LOXL2: variants seen among roughly 807,000 people sequenced by gnomAD.
LOXL2 encodes lysyl oxidase homolog 2.
LOXL2 carries 70 observed loss-of-function variants against 93.0 expected under a neutral mutation model. That is an observed-to-expected ratio of 0.75 (90% CI 0.62 to 0.92). The LOEUF (loss-of-function observed/expected upper bound fraction) is 0.92, where lower values mean the gene tolerates loss of function less well. LOXL2 is among the 40% of genes least tolerant of loss of function. LOXL2 has a pLI of 0.00. For synonymous variants in LOXL2, 438 were observed against 413.2 expected, an observed-to-expected ratio of 1.06 and a Z score of -0.73; for missense variants, 973 against 1,054.9, an observed-to-expected ratio of 0.92 and a Z score of 1.08.
At chr8:23,365,539 GTTTC>G (rs1215478892) in intron 2 of LOXL2, 2 of 150,686 alleles carry the variant, frequency 1.3e-5, no homozygotes, top group Non-Finnish European at 2.9e-5. Context: ...TCAAGCATCT[GTTTC>G]TTTCTCCTCT....
intron 3 of LOXL2, among the ~76,000 whole-genome samples, chr8:23,352,283 C>T (rs1804107242): frequency 6.6e-6 from 1 of 152,212 alleles, no homozygotes; most frequent in African/African-American, 2.4e-5. Flanking sequence ...ACAAACTACC[C>T]CCTGGCTACC....
rs373524179 is a variant in LOXL2, at chr8:23,311,765, T to C, written c.1637-1854A>G. Among the ~76,000 whole-genome samples the C allele has an allele frequency of 1.1e-4, 16 of 152,306 alleles. No individual in the cohort carries two copies. In the South Asian group the frequency reaches 2.7e-3, roughly 26 times the overall value. ...GAGCAAGGCAGAGGTGGAACTACCCTAGACTAACAAGAGACAGACATATTC... is the reference window on the plus strand; with the variant it reads ...GAGCAAGGCAGAGGTGGAACTACCCCAGACTAACAAGAGACAGACATATTC... On this transcript the variant is annotated intron_variant, in intron 9 of 13. Coordinates refer to ENST00000389131, the MANE Select transcript of LOXL2 (RefSeq NM_002318.3).
At chr8:23,368,528 GAAAGCT>G (rs917804613) in intron 1 of LOXL2, 94 bp from the exon 2 acceptor site, 15 of 615,604 alleles carry the variant, frequency 2.4e-5, no homozygotes, top group Non-Finnish European at 3.7e-5. Context: ...GCTTAATATG[GAAAGCT>G]CGTCCATTCT....
chr8:23,388,408 T>C (rs1377719719), intron 1 of LOXL2, among the ~76,000 whole-genome samples: 1 of 151,960 alleles, frequency 6.6e-6, no homozygotes, highest in African/African-American at 2.4e-5. Context: ...GGAGATCCTG[T>C]CTCTACAAAA....
intron 1 of LOXL2, among the ~76,000 whole-genome samples, chr8:23,368,816 C>A (rs1164133470): frequency 6.6e-6 from 1 of 151,598 alleles, no homozygotes; most frequent in Middle Eastern, 3.4e-3. Context: ...AGGGAGCCTG[C>A]GGGGGTGAGA....
At chr8:23,335,428 A>G (rs1803773343) in intron 4 of LOXL2, among the ~76,000 whole-genome samples, 1 of 152,220 alleles carries the variant, frequency 6.6e-6, no homozygotes. Flanking sequence ...GAAGAGCTAC[A>G]TAAGAGTTTG....
intron 12 of LOXL2, among the ~76,000 whole-genome samples, chr8:23,300,643 T>C (rs891956397): frequency 1.2e-4 from 18 of 152,242 alleles, no homozygotes; most frequent in African/African-American, 3.4e-4. Flanking sequence ...CATTTGCTAA[T>C]TGTATTGTTT....
intron 1 of LOXL2, among the ~76,000 whole-genome samples, chr8:23,391,780 G>A (rs1804848303): frequency 6.6e-6 from 1 of 152,078 alleles, no homozygotes; most frequent in Non-Finnish European, 1.5e-5. Context: ...GCTGAGATTT[G>A]GCCTAGGCAC....
intron 9 of LOXL2, 55 bp downstream of exon 9, chr8:23,316,894 G>C: frequency 6.9e-7 from 1 of 1,457,162 alleles, no homozygotes. Flanking sequence ...GGAATAACTG[G>C]TGGGACTCTG....
intron 10 of LOXL2, among the ~76,000 whole-genome samples, chr8:23,304,022 G>A (rs376092484): frequency 2.9e-4 from 44 of 152,368 alleles, no homozygotes; most frequent in African/African-American, 9.4e-4. Context: ...TGGGAGGTGA[G>A]CAGCAAGTCT....
intron 2 of LOXL2, chr8:23,366,127 C>G (rs1804396500): frequency 6.6e-6 from 1 of 152,128 alleles, no homozygotes; most frequent in Admixed American, 6.5e-5. Flanking sequence ...GGAAAAATAC[C>G]CAGTCACTGG....
intron 3 of LOXL2, among the ~76,000 whole-genome samples, chr8:23,344,276 G>C (rs182992844): frequency 6.6e-6 from 1 of 152,356 alleles, no homozygotes; most frequent in Admixed American, 6.5e-5. Flanking sequence ...GCCTGGAGAA[G>C]AGAAAGGGCT....
At chr8:23,360,384 G>T in intron 2 of LOXL2, 119 bp from the exon 3 acceptor site, 1 of 671,136 alleles carries the variant, frequency 1.5e-6, no homozygotes, top group Non-Finnish European at 2.5e-6. Flanking sequence ...AGCTGTGTGT[G>T]GCCATCCATT....
rs912943610 is a variant in LOXL2, at chr8:23,338,300, G to A, written c.743+2692C>T. Among the ~76,000 whole-genome samples the A allele has an allele frequency of 1.4e-4, 18 of 129,238 alleles. No individual in the cohort carries two copies. The South Asian group carries it at 3.2e-3, about 23-fold the overall frequency. 84.8% of individuals were successfully genotyped at this position (129,238 alleles called of 152,430 possible). Reference sequence around the variant, plus strand: ...ACACAGCCAAACCGTATCACTAGGGGAAGCAGAGGTGCTGAGGAAGAGCTG... The same window carrying A: ...ACACAGCCAAACCGTATCACTAGGGAAAGCAGAGGTGCTGAGGAAGAGCTG... On this transcript the variant is annotated intron_variant, in intron 4 of 13. Coordinates refer to ENST00000389131, the MANE Select transcript of LOXL2 (RefSeq NM_002318.3).
intron 3 of LOXL2, among the ~76,000 whole-genome samples, chr8:23,359,310 C>T (rs1008654441): frequency 2.0e-5 from 3 of 152,156 alleles, no homozygotes; most frequent in Non-Finnish European, 4.4e-5. Flanking sequence ...TAGAATACAG[C>T]AGAAATGATG....
chr8:23,395,043 CAA>C (rs2117239318), intron 1 of LOXL2, among the ~76,000 whole-genome samples: 2 of 152,264 alleles, frequency 1.3e-5, no homozygotes, highest in East Asian at 3.9e-4. Context: ...ATCACGAGGT[CAA>C]GAGATCGAGA....
chr8:23,400,385 C>T (rs954033688), intron 1 of LOXL2, among the ~76,000 whole-genome samples: 1 of 152,100 alleles, frequency 6.6e-6, no homozygotes, highest in Non-Finnish European at 1.5e-5. Flanking sequence ...ACAGGGGACT[C>T]CCATTTATAA....
rs13221 is a variant in LOXL2, at chr8:23,297,863, C to T, written c.*180G>A. The T allele has an allele frequency of 0.22, 128,688 of 576,008 alleles. 16,917 individuals carry two copies. The highest frequency in any genetic ancestry group is 0.3 in the Middle Eastern group (646 of 2,170). 35.7% of individuals were successfully genotyped at this position (576,008 alleles called of 1,614,324 possible). ...GGCCCCAAGGGTCAGGTAGCAGCCC[C>T]CCATGAATGATGGGAGGGTCCCTTT... is the stretch of plus-strand genomic sequence containing the variant. On this transcript the variant is annotated 3_prime_UTR_variant, in exon 14 of 14. Transcript: ENST00000389131.
intron 1 of LOXL2, among the ~76,000 whole-genome samples, chr8:23,383,767 TCTC>T (rs1267331693): frequency 1.3e-5 from 2 of 149,828 alleles, no homozygotes; most frequent in Admixed American, 1.3e-4. Flanking sequence ...TTCACGCCAT[TCTC>T]CTGCCTCAGC....
Sources: allele counts gnomAD v4.1 joint callset (sites outside exome capture counted in the v4.1 genomes callset), GRCh38; gene constraint gnomAD v4.1.1; transcripts MANE v1.5; gene names NCBI Gene and HGNC (gene_info 2026-07-23, HGNC 2026-07-21).